Variants in TGS1 observed in about 807,000 individuals in gnomAD.
TGS1 encodes the protein trimethylguanosine synthase 1.
TGS1 carries 69 observed loss-of-function variants against 92.2 expected under a neutral mutation model. The ratio of observed to expected loss-of-function variants is 0.75; its 90% CI spans 0.62 to 0.91. The LOEUF (loss-of-function observed/expected upper bound fraction) is 0.91. Ranked by LOEUF, TGS1 falls within the 40% of genes least tolerant of loss-of-function variation. The pLI is 0.00. For synonymous variants in TGS1, 345 were observed against 338.1 expected (o/e 1.02, Z -0.22); for missense variants, 1,062 against 1,001.2 (o/e 1.06, Z -0.82).
chr8:55,788,998 G>A (rs937248509), intron 4 of TGS1, among the ~76,000 whole-genome samples: 8 of 151,976 alleles, frequency 5.3e-5, no homozygotes, highest in African/African-American at 9.7e-5. Context: ...CCTTACTTAC[G>A]TTTATAGATT....
At chr8:55,816,406 C>G (rs993585428) in intron 12 of TGS1, among the ~76,000 whole-genome samples, 2 of 152,188 alleles carry the variant, frequency 1.3e-5, no homozygotes, top group Non-Finnish European at 2.9e-5. Flanking sequence ...GGAGTCTTGT[C>G]TCTTAGCCCA....
intron 1 of TGS1, among the ~76,000 whole-genome samples, chr8:55,782,072 T>C (rs1391508170): frequency 6.6e-6 from 1 of 152,228 alleles, no homozygotes; most frequent in Non-Finnish European, 1.5e-5. Context: ...TCCACTGTTA[T>C]TCACAACAAA....
At position 55,787,064 on chromosome 8, in the gene TGS1, A is replaced by T; in HGVS notation, c.1162+4A>T. On this transcript the variant is annotated splice_donor_region_variant and intron_variant, in intron 4 of 12. Transcript: ENST00000260129. ...AACACAGACCCACCAGCTGAGGGTAAGATTAACCAAGATTTATTCTGCCAT... is the reference window on the plus strand; with the variant it reads ...AACACAGACCCACCAGCTGAGGGTATGATTAACCAAGATTTATTCTGCCAT... 6.3e-7 allele frequency: 1 copy of T among 1,589,490 alleles called. No homozygotes were observed. The highest frequency in any genetic ancestry group is 8.6e-7 in the Non-Finnish European group (1 of 1,167,742).
rs527613354 is a variant in TGS1, at chr8:55,824,845, A to ATT, written c.*143_*144insTT. 75 of 854,936 alleles carry ATT rather than the reference A, an allele frequency of 8.8e-5. 2 individuals are homozygous for ATT. In the East Asian group the frequency reaches 2.0e-3, roughly 23 times the overall value. The allele number at this position is 854,936 out of a possible 1,614,324, so 53.0% of individuals were successfully genotyped here. A position where few individuals can be genotyped will look rare whatever the true frequency, so the allele number is the denominator to read the frequency against. On this transcript the variant is annotated 3_prime_UTR_variant, in exon 13 of 13. Coordinates refer to ENST00000260129, the MANE Select transcript of TGS1 (RefSeq NM_024831.8). ...TGAAATGGAAACTTACAGGACTTAA[A>ATT]TATCAGTGAAATATTTTGAGATCTT...
At position 55,781,890 on chromosome 8, in the gene TGS1, A is replaced by G. The variant is rs191101734; in HGVS notation, c.102-858A>G. ...ATTACAGCTGAATTTATAGTCAGGAAGATATTAAAAGCAGAGTCTTCCACT... is the reference window on the plus strand; with the variant it reads ...ATTACAGCTGAATTTATAGTCAGGAGGATATTAAAAGCAGAGTCTTCCACT... On this transcript the variant is annotated intron_variant, in intron 1 of 12. Coordinates refer to ENST00000260129, the MANE Select transcript of TGS1 (RefSeq NM_024831.8). 2.1e-3 allele frequency among the ~76,000 whole-genome samples: 318 copies of G among 152,342 alleles called. 2 individuals carry two copies. The highest frequency in any genetic ancestry group is 4.0e-3 in the Non-Finnish European group (271 of 68,034).
Position 55,818,082 on chromosome 8 carries a change from C to T in TGS1, c.2439+4964C>T, listed in dbSNP as rs368453000. Among the ~76,000 whole-genome samples, 85 of 152,332 alleles carry T rather than the reference C, an allele frequency of 5.6e-4. No individual in the cohort carries two copies. The South Asian group carries it at 0.018, about 32-fold the overall frequency. ...ACAGTCTTATTACACCTTGCTGTCT[C>T]CCACTGACACAATGTTCATTACCAA... On this transcript the variant is annotated intron_variant, in intron 12 of 12. Transcript: ENST00000260129.
rs137880048 is a variant in TGS1, at chr8:55,799,954, T to C, written c.1849+734T>C. Among the ~76,000 whole-genome samples the C allele has an allele frequency of 9.0e-3, 1,375 of 152,250 alleles. 25 individuals are homozygous for C. Among genetic ancestry groups the C allele is most frequent in the African/African-American group, 0.032 (1,315 of 41,524 alleles). ...ATGTGTTTTTGATGGCACGTTAATATAAAAAGTATTCAGAGCAGTTGGCTC... is the reference window on the plus strand; with the variant it reads ...ATGTGTTTTTGATGGCACGTTAATACAAAAAGTATTCAGAGCAGTTGGCTC... On this transcript the variant is annotated intron_variant, in intron 8 of 12. Coordinates refer to ENST00000260129, the MANE Select transcript of TGS1 (RefSeq NM_024831.8).
chr8:55,807,568 C>G (rs1803206189), intron 10 of TGS1, among the ~76,000 whole-genome samples: 1 of 151,342 alleles, frequency 6.6e-6, no homozygotes, highest in African/African-American at 2.4e-5. Flanking sequence ...CACTATATCA[C>G]CCAGGCTAAA....
At chr8:55,813,406 C>G (rs1054685648) in intron 12 of TGS1, among the ~76,000 whole-genome samples, 1 of 152,184 alleles carries the variant, frequency 6.6e-6, no homozygotes, top group African/African-American at 2.4e-5. Context: ...CATAGTTAAA[C>G]TAGCCTTTTT....
chr8:55,777,405 TC>T (rs1182289690), intron 1 of TGS1, among the ~76,000 whole-genome samples: 2 of 151,616 alleles, frequency 1.3e-5, no homozygotes, highest in Non-Finnish European at 2.9e-5. Flanking sequence ...ATAGCAACAA[TC>T]CCCCCATGCT....
At chr8:55,795,542 G>A (rs954463519) in intron 6 of TGS1, among the ~76,000 whole-genome samples, 14 of 152,102 alleles carry the variant, frequency 9.2e-5, no homozygotes, top group Non-Finnish European at 1.5e-4. Context: ...CGAAGGGTTC[G>A]CTTCTTTTGT....
In TGS1 at chr8:55,779,948, C is replaced by T. The variant is rs542580215; in HGVS notation, c.102-2800C>T. On this transcript the variant is annotated intron_variant, in intron 1 of 12. Transcript: ENST00000260129. ...GGAGTGCAGTGGCAACCTCCACCCT[C>T]TGGGTTCAAGCAGTTCTCATGCCTC... Among the ~76,000 whole-genome samples the T allele has an allele frequency of 4.6e-5, 7 of 150,904 alleles. No homozygotes were observed. In the South Asian group the frequency reaches 1.5e-3, roughly 32 times the overall value.
intron 1 of TGS1, among the ~76,000 whole-genome samples, chr8:55,781,128 A>C (rs906585861): frequency 2.0e-5 from 3 of 152,232 alleles, no homozygotes; most frequent in Admixed American, 2.0e-4. Flanking sequence ...GAGCAGTGTT[A>C]TATATGTGTG....
chr8:55,792,172 C>A (rs902074403), intron 5 of TGS1, among the ~76,000 whole-genome samples: 1 of 152,190 alleles, frequency 6.6e-6, no homozygotes, highest in Non-Finnish European at 1.5e-5. Flanking sequence ...CTTGGAATTA[C>A]GGCCAGGGAT....
intron 1 of TGS1, among the ~76,000 whole-genome samples, chr8:55,781,440 A>G (rs1212413590): frequency 6.6e-6 from 1 of 152,202 alleles, no homozygotes; most frequent in African/African-American, 2.4e-5. Flanking sequence ...ACCTTCAACA[A>G]GGGGAATCTT....
At chr8:55,782,347 A>G (rs1006501704) in intron 1 of TGS1, among the ~76,000 whole-genome samples, 5 of 151,876 alleles carry the variant, frequency 3.3e-5, no homozygotes, top group East Asian at 1.9e-4. Flanking sequence ...ACGCCCAGCT[A>G]ATTTGTGTTT....
At chr8:55,798,446 G>A (rs181577167) in intron 7 of TGS1, among the ~76,000 whole-genome samples, 3 of 152,224 alleles carry the variant, frequency 2.0e-5, no homozygotes, top group Admixed American at 6.5e-5. Flanking sequence ...AGAAGAATTG[G>A]CCCTAAATCT....
In TGS1 at chr8:55,785,058, G is replaced by GTT. The variant is rs1262385274; in HGVS notation, c.167-656_167-655dup. On this transcript the variant is annotated intron_variant, in intron 2 of 12. Transcript: ENST00000260129. Reference sequence around the variant, plus strand: ...ATATTACTGTCAATTGGTGTTTTTTGTTTTTTGTTTTTTGTTTTTTTTTTG... The same window carrying GTT: ...ATATTACTGTCAATTGGTGTTTTTTGTTTTTTTTGTTTTTTGTTTTTTTTTTG... Among the ~76,000 whole-genome samples, 261 of 143,560 alleles carry GTT rather than the reference G, an allele frequency of 1.8e-3. 5 individuals are homozygous for GTT. The highest frequency in any genetic ancestry group is 3.7e-3 in the Middle Eastern group (1 of 272). 94.2% of individuals were successfully genotyped at this position (143,560 alleles called of 152,430 possible). A position where few individuals can be genotyped will look rare whatever the true frequency, so the allele number is the denominator to read the frequency against.
chr8:55,775,524 G>A (rs994778123), intron 1 of TGS1, among the ~76,000 whole-genome samples: 1 of 152,166 alleles, frequency 6.6e-6, no homozygotes, highest in East Asian at 1.9e-4. Flanking sequence ...AAGAAAGAAA[G>A]ATGGGAGAAA....
Sources: allele counts gnomAD v4.1 joint callset (sites outside exome capture counted in the v4.1 genomes callset), GRCh38; gene constraint gnomAD v4.1.1; transcripts MANE v1.5; gene names NCBI Gene and HGNC (gene_info 2026-07-23, HGNC 2026-07-21).